GPATCH2: variants seen among roughly 807,000 people sequenced by gnomAD.
The protein encoded by GPATCH2 is G patch domain-containing protein 2.
Under a neutral mutation model 58.0 loss-of-function variants are expected in GPATCH2, and 51 were observed. That is an observed-to-expected ratio of 0.88 (90% CI 0.70 to 1.11). The LOEUF is 1.11. Ranked by LOEUF, GPATCH2 falls within the 50% of genes most tolerant of loss-of-function variation. The pLI, the probability that GPATCH2 is intolerant of heterozygous loss-of-function variation, is 0.00. For missense variants in GPATCH2, 625 were observed against 652.2 expected (o/e 0.96, Z 0.45); for synonymous variants, 222 against 218.5 (o/e 1.02, Z -0.14).
chr1:217,517,396 A>T (rs1663220434), intron 5 of GPATCH2, among the ~76,000 whole-genome samples: 1 of 152,096 alleles, frequency 6.6e-6, no homozygotes, highest in South Asian at 2.1e-4. Flanking sequence ...TGTTCTTACA[A>T]TGAGAACCTT....
chr1:217,522,096 T>A (rs1663493379), intron 5 of GPATCH2, among the ~76,000 whole-genome samples: 2 of 152,202 alleles, frequency 1.3e-5, no homozygotes, highest in East Asian at 3.8e-4. Flanking sequence ...AGCAATTATG[T>A]TTTTAACGTA....
At chr1:217,576,105 T>C (rs1206746118) in intron 5 of GPATCH2, among the ~76,000 whole-genome samples, 1 of 152,158 alleles carries the variant, frequency 6.6e-6, no homozygotes, top group African/African-American at 2.4e-5. Flanking sequence ...CACAAACACT[T>C]ACATATCCAA....
At chr1:217,584,309 A>G (rs1667219181) in intron 5 of GPATCH2, among the ~76,000 whole-genome samples, 1 of 145,450 alleles carries the variant, frequency 6.9e-6, no homozygotes, top group African/African-American at 2.5e-5. Context: ...CCTGGCCAAC[A>G]TGGTGAAACC....
intron 5 of GPATCH2, among the ~76,000 whole-genome samples, chr1:217,601,104 G>A (rs1441522863): frequency 6.6e-6 from 1 of 152,066 alleles, no homozygotes; most frequent in Non-Finnish European, 1.5e-5. Flanking sequence ...AAGACTAGTT[G>A]TACTGCATAA....
intron 9 of GPATCH2, among the ~76,000 whole-genome samples, chr1:217,446,550 C>T (rs557438412): frequency 2.2e-4 from 34 of 152,194 alleles, no homozygotes; most frequent in African/African-American, 6.5e-4. Context: ...TCAATCTCTT[C>T]CTCTTAGAGA....
At chr1:217,508,679 T>G (rs1490069597) in intron 6 of GPATCH2, among the ~76,000 whole-genome samples, 1 of 152,144 alleles carries the variant, frequency 6.6e-6, no homozygotes, top group Non-Finnish European at 1.5e-5. Flanking sequence ...TAATTTTATT[T>G]TTAACATTTT....
intron 1 of GPATCH2, among the ~76,000 whole-genome samples, chr1:217,621,365 C>T (rs1396290980): frequency 6.6e-6 from 1 of 152,112 alleles, no homozygotes; most frequent in East Asian, 1.9e-4. Flanking sequence ...TTCAGATTTG[C>T]ACCCGTCTTA....
chr1:217,558,391 A>T (rs1665747293), intron 5 of GPATCH2, among the ~76,000 whole-genome samples: 1 of 152,210 alleles, frequency 6.6e-6, no homozygotes, highest in Non-Finnish European at 1.5e-5. Context: ...ATCTAACATT[A>T]AACAACAATG....
At chr1:217,585,411 G>A (rs1339253412) in intron 5 of GPATCH2, among the ~76,000 whole-genome samples, 3 of 151,988 alleles carry the variant, frequency 2.0e-5, no homozygotes, top group Admixed American at 6.6e-5. Flanking sequence ...TCACGAGGTC[G>A]AGAGATTGAG....
At chr1:217,612,072 C>T (rs767732294) in intron 3 of GPATCH2, among the ~76,000 whole-genome samples, 1 of 151,638 alleles carries the variant, frequency 6.6e-6, no homozygotes, top group East Asian at 1.9e-4. Flanking sequence ...CCTAGCTACT[C>T]GGGAGTCTGA....
intron 5 of GPATCH2, among the ~76,000 whole-genome samples, chr1:217,529,934 G>A (rs1664105948): frequency 1.3e-5 from 2 of 152,134 alleles, no homozygotes; most frequent in South Asian, 2.1e-4. Context: ...GTATCCACAA[G>A]TAGTAAAGTA....
chr1:217,526,313 G>A (rs1392675903), intron 5 of GPATCH2, among the ~76,000 whole-genome samples: 2 of 152,052 alleles, frequency 1.3e-5, no homozygotes, highest in African/African-American at 2.4e-5. Flanking sequence ...CAAACATGCA[G>A]GCAACCATTC....
chr1:217,500,232 ACT>A (rs1662229693), intron 6 of GPATCH2, among the ~76,000 whole-genome samples: 1 of 151,746 alleles, frequency 6.6e-6, no homozygotes, highest in South Asian at 2.1e-4. Context: ...TATTCTTATC[ACT>A]GTTAGTTTTC....
At chr1:217,567,008 G>A (rs1055875070) in intron 5 of GPATCH2, among the ~76,000 whole-genome samples, 3 of 149,400 alleles carry the variant, frequency 2.0e-5, no homozygotes, top group Admixed American at 6.7e-5. Flanking sequence ...GGCTATGAGT[G>A]TACAACTAAA....
At chr1:217,432,924 G>A (rs1205921998) in intron 9 of GPATCH2, among the ~76,000 whole-genome samples, 1 of 152,102 alleles carries the variant, frequency 6.6e-6, no homozygotes, top group African/African-American at 2.4e-5. Flanking sequence ...AATGCCTGTG[G>A]TATAGCAGCT....
At position 217,431,151 on chromosome 1, in the gene GPATCH2, G is replaced by T; in HGVS notation, c.1581C>A (p.Ser527=). 1 of 1,437,460 alleles carries T rather than the reference G, an allele frequency of 7.0e-7. No individual in the cohort carries two copies. The highest frequency in any genetic ancestry group is 9.8e-7 in the Non-Finnish European group (1 of 1,018,622). 89.0% of individuals were successfully genotyped at this position (1,437,460 alleles called of 1,614,324 possible). Residue 527 remains serine, a synonymous_variant, in exon 10 of 10, where the codon TCC becomes TCA. Transcript: ENST00000366935. ...SATTTPNAGK[S]A is the part of the protein sequence containing the mutation. ...CATTTCTTCTTTGCTTTTCTTAGGC[G>T]GATTTTCCTGCATTGGGGGTAGTAG...
chr1:217,609,088 T>C (rs1161715840), intron 5 of GPATCH2: 3 of 801,258 alleles, frequency 3.7e-6, no homozygotes, highest in East Asian at 1.2e-4. Flanking sequence ...TTAAATCACA[T>C]TGTTTTTCAT....
At chr1:217,489,444 T>C (rs1014833156) in intron 8 of GPATCH2, among the ~76,000 whole-genome samples, 1 of 152,238 alleles carries the variant, frequency 6.6e-6, no homozygotes, top group African/African-American at 2.4e-5. Flanking sequence ...GACCTTACAT[T>C]GGACTTTAAC....
At chr1:217,509,109 G>A (rs1024804437) in intron 6 of GPATCH2, among the ~76,000 whole-genome samples, 3 of 152,144 alleles carry the variant, frequency 2.0e-5, no homozygotes, top group Non-Finnish European at 4.4e-5. Context: ...GGATGAGAAG[G>A]CGGGTGGATC....
Sources: allele counts gnomAD v4.1 joint callset (sites outside exome capture counted in the v4.1 genomes callset), GRCh38; gene constraint gnomAD v4.1.1; transcripts MANE v1.5; gene names NCBI Gene and HGNC (gene_info 2026-07-23, HGNC 2026-07-21).